TANC2: variants seen among roughly 807,000 people sequenced by gnomAD.
TANC2 encodes the protein protein TANC2.
In TANC2, 26 loss-of-function variants were observed where a neutral mutation model predicts 210.5. That is an observed-to-expected ratio of 0.12 (90% CI 0.09 to 0.17). The LOEUF (loss-of-function observed/expected upper bound fraction) is 0.17, where lower values mean the gene tolerates loss of function less well. TANC2 is among the 10% of genes least tolerant of loss of function. The pLI, the probability that TANC2 is intolerant of heterozygous loss-of-function variation, is 1.00. For missense variants in TANC2, 2,129 were observed against 2,608.9 expected (o/e 0.82, Z 4.01); for synonymous variants, 931 against 967.1 (o/e 0.96, Z 0.69).
intron 4 of TANC2, among the ~76,000 whole-genome samples, chr17:63,128,374 G>A (rs368693148): frequency 5.8e-4 from 88 of 152,104 alleles, no homozygotes; most frequent in African/African-American, 1.6e-3. Flanking sequence ...TGCCTACTGC[G>A]TACCCCCAAA....
At chr17:63,251,430 G>A (rs1243214958) in intron 8 of TANC2, among the ~76,000 whole-genome samples, 1 of 152,088 alleles carries the variant, frequency 6.6e-6, no homozygotes, top group Non-Finnish European at 1.5e-5. Context: ...AGAACAAAGG[G>A]AAACACCTAA....
intron 4 of TANC2, among the ~76,000 whole-genome samples, chr17:63,131,376 G>C (rs963679925): frequency 1.2e-4 from 19 of 152,256 alleles, no homozygotes; most frequent in African/African-American, 4.6e-4. Flanking sequence ...ATAAAAGCTG[G>C]TCTGGGCAAA....
intron 5 of TANC2, among the ~76,000 whole-genome samples, chr17:63,168,528 T>G (rs777807970): frequency 1.3e-5 from 2 of 152,230 alleles, no homozygotes; most frequent in African/African-American, 2.4e-5. Flanking sequence ...CCAACTTACA[T>G]TTAATTTTAA....
At chr17:63,319,067 G>A in exon 11 of TANC2, 1 of 1,613,170 alleles carries the variant, frequency 6.2e-7, no homozygotes, top group Non-Finnish European at 8.5e-7. Flanking sequence ...GCAGGAGGAG[G>A]CTATGCGAAG....
chr17:63,254,948 G>A (rs2043145613), intron 8 of TANC2, among the ~76,000 whole-genome samples: 1 of 151,782 alleles, frequency 6.6e-6, no homozygotes, highest in South Asian at 2.1e-4. Flanking sequence ...TGTTTTCATG[G>A]GTCTTCATTT....
At chr17:63,413,701 A>C in intron 25 of TANC2, 67 bp downstream of exon 25, 1 of 1,397,010 alleles carries the variant, frequency 7.2e-7, no homozygotes, top group Non-Finnish European at 9.9e-7. Flanking sequence ...GTAGAATCTT[A>C]CAAAGTCTTG....
chr17:63,193,705 C>CA (rs1440770010), intron 5 of TANC2, among the ~76,000 whole-genome samples: 1 of 152,118 alleles, frequency 6.6e-6, no homozygotes, highest in Non-Finnish European at 1.5e-5. Flanking sequence ...GACGGTAAGT[C>CA]AACCTAACAT....
chr17:62,978,581 A>T (rs549567857), intron 1 of TANC2: 3 of 152,358 alleles, frequency 2.0e-5, no homozygotes, highest in Non-Finnish European at 4.4e-5. Flanking sequence ...AGAGACTGGG[A>T]TGGATGGTGT....
At chr17:63,000,161 C>T (rs762064338) in intron 1 of TANC2, among the ~76,000 whole-genome samples, 62 of 152,098 alleles carry the variant, frequency 4.1e-4, no homozygotes, top group Non-Finnish European at 1.6e-4. Context: ...AAAATCTGTA[C>T]GCCAAACCCT....
At chr17:63,137,736 CTATTCTAGGCAT>C in intron 4 of TANC2, among the ~76,000 whole-genome samples, 1 of 152,126 alleles carries the variant, frequency 6.6e-6, no homozygotes, top group East Asian at 1.9e-4. Context: ...ATGCCAGATA[CTATTCTAGGCAT>C]TGTAATATAA....
chr17:63,360,774 T>A (rs935299090), intron 14 of TANC2, among the ~76,000 whole-genome samples: 24 of 152,114 alleles, frequency 1.6e-4, no homozygotes, highest in African/African-American at 5.3e-4. Flanking sequence ...GCCCCCCCTT[T>A]CCACCAACCC....
At chr17:63,017,558 A>T (rs1055179425) in intron 2 of TANC2, among the ~76,000 whole-genome samples, 8 of 152,168 alleles carry the variant, frequency 5.3e-5, no homozygotes, top group African/African-American at 1.9e-4. Context: ...TCTATTCGAA[A>T]TGGTTCCCCT....
chr17:63,164,749 G>GA (rs932520508), intron 5 of TANC2, among the ~76,000 whole-genome samples: 21 of 152,154 alleles, frequency 1.4e-4, no homozygotes, highest in African/African-American at 5.1e-4. Context: ...AAGAGCAAGA[G>GA]AAGATAGATG....
intron 26 of TANC2, among the ~76,000 whole-genome samples, chr17:63,416,399 C>T (rs759167682): frequency 2.4e-4 from 36 of 152,194 alleles, no homozygotes; most frequent in Non-Finnish European, 4.3e-4. Context: ...ATCTACCTGC[C>T]TGAGGTCTCA....
chr17:63,291,885 C>T (rs958150118), intron 9 of TANC2, among the ~76,000 whole-genome samples: 2 of 152,080 alleles, frequency 1.3e-5, no homozygotes, highest in Non-Finnish European at 2.9e-5. Flanking sequence ...AAGAGATATT[C>T]CTCAAGAATA....
chr17:63,107,339 G>T (rs1247582465), intron 4 of TANC2, among the ~76,000 whole-genome samples: 1 of 151,468 alleles, frequency 6.6e-6, no homozygotes, highest in East Asian at 1.9e-4. Flanking sequence ...AATAAATGTT[G>T]AGAAAAGGAT....
At chr17:63,099,044 C>A in intron 3 of TANC2, 131 bp from the exon 4 acceptor site, 1 of 864,168 alleles carries the variant, frequency 1.2e-6, no homozygotes, top group Non-Finnish European at 1.9e-6. Flanking sequence ...GAAATGAATG[C>A]ATGTAGTGAA....
At chr17:63,164,166 G>A (rs890487934) in intron 5 of TANC2, among the ~76,000 whole-genome samples, 1 of 130,970 alleles carries the variant, frequency 7.6e-6, no homozygotes, top group African/African-American at 2.9e-5. Flanking sequence ...ACAGTATCTC[G>A]CTTTGTTGGT....
intron 25 of TANC2, chr17:63,414,393 T>C (rs1295981947): frequency 6.6e-6 from 1 of 152,224 alleles, no homozygotes; most frequent in African/African-American, 2.4e-5. Context: ...AGCAGAATTC[T>C]ATCTTCTAAG....
Sources: allele counts gnomAD v4.1 joint callset (sites outside exome capture counted in the v4.1 genomes callset), GRCh38; gene constraint gnomAD v4.1.1; transcripts MANE v1.5; gene names NCBI Gene and HGNC (gene_info 2026-07-23, HGNC 2026-07-21).